WWC2: variants seen among roughly 807,000 people sequenced by gnomAD.
The protein encoded by WWC2 is WW and C2 domain containing 2, also known as protein WWC2.
A neutral mutation model predicts 138.5 loss-of-function variants in WWC2; 101 were observed. The ratio of observed to expected loss-of-function variants is 0.73; its 90% CI spans 0.62 to 0.86. WWC2 has a LOEUF of 0.86. WWC2 is among the 40% of genes least tolerant of loss of function. The pLI is 0.00. For synonymous variants in WWC2, 558 were observed against 538.4 expected, an observed-to-expected ratio of 1.04 and a Z score of -0.50; for missense variants, 1,420 against 1,419.4, an observed-to-expected ratio of 1.00 and a Z score of -0.01.
Position 183,099,620 on chromosome 4 carries a change from C to T in WWC2, c.129C>T (p.Asp43=), listed in dbSNP as rs1376168470. 50 of 1,341,258 alleles carry T rather than the reference C, an allele frequency of 3.7e-5. No homozygotes were observed. Among genetic ancestry groups the T allele is most frequent in the Non-Finnish European group, 4.9e-5 (50 of 1,029,730 alleles). The allele number at this position is 1,341,258 out of a possible 1,614,324, so 83.1% of individuals were successfully genotyped here. A position where few individuals can be genotyped will look rare whatever the true frequency, so the allele number is the denominator to read the frequency against. The stretch of plus-strand genomic sequence containing the variant: ...GGACCAGCTGGATCGACCCCCGGGA[C>T]AGGTGGGCGCCGGCCGCGGGGGCGC... The part of the protein sequence containing the change: ...TRRTSWIDPR[D]RLTKPLSFAD... Residue 43 remains aspartate, a splice_region_variant and synonymous_variant, in exon 1 of 23, where the codon GAC becomes GAT. Transcript: ENST00000403733.
At chr4:183,186,032 C>T (rs1221840055) in intron 1 of WWC2, among the ~76,000 whole-genome samples, 2 of 150,414 alleles carry the variant, frequency 1.3e-5, no homozygotes, top group Non-Finnish European at 2.9e-5. Flanking sequence ...ACTGCAAGCT[C>T]CATCTCCCGG....
At chr4:183,312,078 T>G (rs993317585) in intron 21 of WWC2, among the ~76,000 whole-genome samples, 4 of 152,200 alleles carry the variant, frequency 2.6e-5, no homozygotes, top group Middle Eastern at 3.2e-3. Flanking sequence ...TTTTCAGATG[T>G]AGTAAAATTG....
At position 183,319,908 on chromosome 4, in the gene WWC2, C is replaced by T. The variant is rs759631498; in HGVS notation, c.*4179C>T. On this transcript the variant is annotated 3_prime_UTR_variant, in exon 23 of 23. Transcript: ENST00000403733. The stretch of plus-strand genomic sequence containing the variant: ...TCTCTGACTCTCTCCAATTCTCAAA[C>T]AGTCCAGGCCAAACCCAGAGACCAG... 2.5e-6 allele frequency: 4 copies of T among 1,613,894 alleles called. No individual in the cohort carries two copies. Among genetic ancestry groups the T allele is most frequent in the Admixed American group, 1.7e-5 (1 of 59,996 alleles).
chr4:183,112,569 G>A (rs1056221734), intron 1 of WWC2, among the ~76,000 whole-genome samples: 12 of 152,074 alleles, frequency 7.9e-5, no homozygotes, highest in South Asian at 4.1e-4. Context: ...CAAACTATTC[G>A]TCACACATTT....
At chr4:183,145,966 G>A (rs1733440406) in intron 1 of WWC2, among the ~76,000 whole-genome samples, 1 of 152,200 alleles carries the variant, frequency 6.6e-6, no homozygotes, top group Non-Finnish European at 1.5e-5. Context: ...AAGTTTGGTT[G>A]ATTAATGTGT....
chr4:183,301,847 G>A (rs62357978), intron 21 of WWC2, among the ~76,000 whole-genome samples: 3,170 of 152,246 alleles, frequency 0.021, 49 homozygotes, highest in Non-Finnish European at 0.032. Context: ...TGACAAATTG[G>A]TGTATGTCCT....
At position 183,312,566 on chromosome 4, in the gene WWC2, G is replaced by A. The variant is rs550728551; in HGVS notation, c.3512+98G>A. 86 of 1,534,932 alleles carry A rather than the reference G, an allele frequency of 5.6e-5. No homozygotes were observed. The Middle Eastern group carries it at 2.2e-3, about 39-fold the overall frequency. On this transcript the variant is annotated intron_variant, in intron 22 of 22. Coordinates refer to ENST00000403733, the MANE Select transcript of WWC2 (RefSeq NM_024949.6). ...GCAGTGAAAGTTAATATGAGGATCC[G>A]AGACAGAAGTCCTCTGTTCTCTACC...
intron 4 of WWC2, 88 bp downstream of exon 4, chr4:183,209,113 C>A: frequency 1.1e-6 from 1 of 912,538 alleles, no homozygotes; most frequent in Non-Finnish European, 1.7e-6. Flanking sequence ...CAGTTCTCAT[C>A]TCCATTTGGT....
chr4:183,103,804 T>G (rs990795279), intron 1 of WWC2, among the ~76,000 whole-genome samples: 6 of 147,170 alleles, frequency 4.1e-5, no homozygotes, highest in Non-Finnish European at 9.0e-5. Flanking sequence ...CAGATAATTT[T>G]TTTGTATTTT....
intron 1 of WWC2, among the ~76,000 whole-genome samples, chr4:183,113,695 G>T (rs1400676097): frequency 2.0e-5 from 3 of 151,698 alleles, no homozygotes; most frequent in Non-Finnish European, 4.4e-5. Flanking sequence ...ACTGTGCCTG[G>T]CCTTTCTTTT....
intron 21 of WWC2, among the ~76,000 whole-genome samples, chr4:183,307,128 T>A (rs560272294): frequency 6.6e-6 from 1 of 152,318 alleles, no homozygotes; most frequent in Non-Finnish European, 1.5e-5. Flanking sequence ...GATACATATT[T>A]ACACTGTCTG....
chr4:183,189,038 T>G (rs1734906575), intron 1 of WWC2, among the ~76,000 whole-genome samples: 1 of 152,184 alleles, frequency 6.6e-6, no homozygotes, highest in African/African-American at 2.4e-5. Context: ...TTTGTATAAT[T>G]TTTCTTGAAA....
intron 1 of WWC2, among the ~76,000 whole-genome samples, chr4:183,184,305 G>A (rs1734731219): frequency 6.6e-6 from 1 of 152,140 alleles, no homozygotes; most frequent in African/African-American, 2.4e-5. Flanking sequence ...GCATGTATAA[G>A]TACTTCATTC....
intron 21 of WWC2, among the ~76,000 whole-genome samples, chr4:183,307,209 A>AT: frequency 6.6e-6 from 1 of 152,366 alleles, no homozygotes; most frequent in South Asian, 2.1e-4. Flanking sequence ...ATACTTGGAG[A>AT]TTAAACTGCA....
At chr4:183,270,794 TA>T (rs1416044252) in intron 15 of WWC2, among the ~76,000 whole-genome samples, 4 of 152,060 alleles carry the variant, frequency 2.6e-5, no homozygotes, top group Non-Finnish European at 2.9e-5. Flanking sequence ...CACATTTACA[TA>T]AAAGGCATGC....
intron 4 of WWC2, among the ~76,000 whole-genome samples, chr4:183,209,767 T>G (rs1413048148): frequency 6.6e-6 from 1 of 152,234 alleles, no homozygotes; most frequent in Non-Finnish European, 1.5e-5. Context: ...CCTGAATCTT[T>G]TTAACTAAAC....
chr4:183,254,036 T>C, intron 9 of WWC2, 37 bp downstream of exon 9: 2 of 1,599,884 alleles, frequency 1.3e-6, no homozygotes, highest in South Asian at 1.1e-5. Context: ...AGCTTAACTC[T>C]TGTGGGGGTG....
At chr4:183,141,992 A>G (rs1157115056) in intron 1 of WWC2, among the ~76,000 whole-genome samples, 18 of 152,250 alleles carry the variant, frequency 1.2e-4, no homozygotes, top group African/African-American at 4.1e-4. Flanking sequence ...AATACATAGC[A>G]CAATGTCTAT....
intron 21 of WWC2, among the ~76,000 whole-genome samples, chr4:183,295,761 G>T (rs1738608310): frequency 6.6e-6 from 1 of 152,130 alleles, no homozygotes; most frequent in African/African-American, 2.4e-5. Flanking sequence ...GAGAGGAAAG[G>T]TGCCCAGTTC....
Sources: gnomAD v4.1 joint callset for allele counts (sites outside exome capture counted in the v4.1 genomes callset) on GRCh38, gnomAD v4.1.1 for gene constraint, MANE v1.5 for transcripts, NCBI Gene and HGNC (gene_info 2026-07-23, HGNC 2026-07-21) for gene names.